Variants in NUMB observed in about 807,000 individuals in gnomAD.
NUMB encodes the protein NUMB endocytic adaptor protein.
NUMB carries 29 observed loss-of-function variants against 59.7 expected under a neutral mutation model. That is an observed-to-expected ratio of 0.49 (90% CI 0.36 to 0.66). The LOEUF (loss-of-function observed/expected upper bound fraction) is 0.66, where lower values mean the gene tolerates loss of function less well. NUMB is among the 30% of genes least tolerant of loss of function. NUMB has a pLI of 0.00. For synonymous variants in NUMB, 288 were observed against 288.2 expected (o/e 1.00, Z 0.01); for missense variants, 723 against 822.0 (o/e 0.88, Z 1.47).
chr14:73,275,350 G>C lies in NUMB; in HGVS notation c.*1228C>G, dbSNP rs568366657. The C allele has an allele frequency of 1.3e-5, 2 of 152,452 alleles. No homozygotes were observed. Among genetic ancestry groups the C allele is most frequent in the Non-Finnish European group, 2.9e-5 (2 of 68,014 alleles). 9.4% of individuals were successfully genotyped at this position (152,452 alleles called of 1,614,324 possible). A position where few individuals can be genotyped will look rare whatever the true frequency, so the allele number is the denominator to read the frequency against. ...ATGAGCTCTCTTATTGTTATCCGAG[G>C]TCAAGAGGCTGCAACTGTCAAGGGG... On this transcript the variant is annotated 3_prime_UTR_variant, in exon 13 of 13. Coordinates refer to ENST00000555238, the MANE Select transcript of NUMB (RefSeq NM_001005743.2).
intron 5 of NUMB, among the ~76,000 whole-genome samples, chr14:73,319,241 T>G (rs1229168994): frequency 6.6e-6 from 1 of 152,164 alleles, no homozygotes; most frequent in African/African-American, 2.4e-5. Context: ...CCAGCCTGGG[T>G]GACAGAGCGA....
Position 73,287,240 on chromosome 14 carries a change from T to A in NUMB, c.525A>T (p.Glu175Asp). 6.2e-7 allele frequency: 1 copy of A among 1,613,662 alleles called. No homozygotes were observed. The highest frequency in any genetic ancestry group is 1.1e-5 in the South Asian group (1 of 91,064). ...CLERKQKREKECGVTATFDAS... is the reference protein window; with the variant it reads ...CLERKQKREKDCGVTATFDAS... The stretch of plus-strand genomic sequence containing the variant: ...CATCAAAAGTAGCAGTCACTCCACA[T>A]TCCTTCTCCCGCTTCTGCTTGCGCT... Residue 175 changes from glutamate to aspartate, a missense_variant, in exon 9 of 13, where the codon GAA becomes GAT. Coordinates refer to ENST00000555238, the MANE Select transcript of NUMB (RefSeq NM_001005743.2).
intron 1 of NUMB, among the ~76,000 whole-genome samples, chr14:73,444,323 C>T (rs1021508286): frequency 1.9e-4 from 28 of 148,366 alleles, no homozygotes; most frequent in African/African-American, 6.0e-4. Flanking sequence ...TGCTTGAACC[C>T]GGGAGGCGGA....
chr14:73,284,403 T>C, intron 9 of NUMB, 29 bp from the exon 10 acceptor site: 1 of 1,574,750 alleles, frequency 6.4e-7, no homozygotes, highest in East Asian at 2.2e-5. Context: ...ATGAAGACCT[T>C]AGCAATGTCT....
At chr14:73,423,966 CAAAAAAAAAA>C (rs34582645) in intron 1 of NUMB, among the ~76,000 whole-genome samples, 1,255 of 74,380 alleles carry the variant, frequency 0.017, 30 homozygotes, top group African/African-American at 0.057. Context: ...ACCCTGTCTC[CAAAAAAAAAA>C]AAAAAAAAAA....
chr14:73,290,918 A>G (rs1343641338), intron 8 of NUMB, among the ~76,000 whole-genome samples: 1 of 152,212 alleles, frequency 6.6e-6, no homozygotes, highest in Non-Finnish European at 1.5e-5. Context: ...AACTTATAGT[A>G]AAATCATTGT....
chr14:73,285,940 C>A (rs1220282874), intron 9 of NUMB, among the ~76,000 whole-genome samples: 4 of 148,518 alleles, frequency 2.7e-5, no homozygotes, highest in Admixed American at 6.7e-5. Flanking sequence ...AAAAAAAAAA[C>A]ACCGAAATCA....
intron 1 of NUMB, among the ~76,000 whole-genome samples, chr14:73,452,850 T>C (rs979631300): frequency 6.6e-6 from 1 of 152,182 alleles, no homozygotes. Flanking sequence ...CTGACATGCT[T>C]TCTTGAGGGG....
chr14:73,328,275 A>AAG (rs908901130), intron 4 of NUMB, among the ~76,000 whole-genome samples: 2 of 48,632 alleles, frequency 4.1e-5, no homozygotes, highest in Non-Finnish European at 9.7e-5. Context: ...ACTCCATCTC[A>AAG]AAAAAAAAAA....
rs570632695 is a variant in NUMB, at chr14:73,365,606, A to G, written c.-16+1291T>C. On this transcript the variant is annotated intron_variant, in intron 3 of 12. Transcript: ENST00000555238. Reference sequence around the variant, plus strand: ...GGCAACATAGCAAGACTCTGTCTCCATAAGAAAAAAATTAAAAATTAAAAA... The same window carrying G: ...GGCAACATAGCAAGACTCTGTCTCCGTAAGAAAAAAATTAAAAATTAAAAA... Among the ~76,000 whole-genome samples the G allele has an allele frequency of 3.4e-4, 45 of 133,308 alleles. 1 individual carries two copies. In the East Asian group the frequency reaches 0.016, roughly 47 times the overall value. 87.5% of individuals were successfully genotyped at this position (133,308 alleles called of 152,430 possible).
At chr14:73,398,390 CACAGAG>C (rs201125435) in intron 2 of NUMB, among the ~76,000 whole-genome samples, 43 of 118,166 alleles carry the variant, frequency 3.6e-4, no homozygotes, top group South Asian at 1.8e-3. Flanking sequence ...GAGAGACACA[CACAGAG>C]AGAGAGAGAG....
rs1413990065 is a variant in NUMB, at chr14:73,276,629, A to AGGGGAGGGATTAGTAC, written c.1889_1904dup (p.Thr636TyrfsTer2). ...GTAAGTCACTGGAGAAAGGGTTGGT[A>AGGGGAGGGATTAGTAC]GGGGAGGGATTAGTACGCTGCTTGG... On this transcript the variant is annotated stop_gained and frameshift_variant, in exon 13 of 13. Transcript: ENST00000555238. LOFTEE classifies it high-confidence loss of function. The AGGGGAGGGATTAGTAC allele has an allele frequency of 6.2e-7, 1 of 1,614,060 alleles. No individual in the cohort carries two copies. Among genetic ancestry groups the AGGGGAGGGATTAGTAC allele is most frequent in the Non-Finnish European group, 8.5e-7 (1 of 1,180,004 alleles).
At chr14:73,348,404 C>T (rs1015764200) in intron 4 of NUMB, among the ~76,000 whole-genome samples, 3 of 152,202 alleles carry the variant, frequency 2.0e-5, no homozygotes, top group African/African-American at 4.8e-5. Context: ...AGCAGAGGTC[C>T]CCAACACCAG....
intron 4 of NUMB, among the ~76,000 whole-genome samples, chr14:73,343,990 G>C (rs1473942672): frequency 6.6e-6 from 1 of 151,960 alleles, no homozygotes; most frequent in Non-Finnish European, 1.5e-5. Context: ...TAGAAGATAA[G>C]GTACCTCTTT....
At position 73,275,784 on chromosome 14, in the gene NUMB, ATGAC is replaced by A. The variant is rs1369479553; in HGVS notation, c.*790_*793del. ...TGTTGCAATGTGCTACTTACAATGA[ATGAC>A]TGACAGAAAACAAGCTAGGGATCCT... On this transcript the variant is annotated 3_prime_UTR_variant, in exon 13 of 13. Coordinates refer to ENST00000555238, the MANE Select transcript of NUMB (RefSeq NM_001005743.2). 1.3e-5 allele frequency: 2 copies of A among 152,598 alleles called. No homozygotes were observed. The highest frequency in any genetic ancestry group is 4.8e-5 in the African/African-American group (2 of 41,438). The allele number at this position is 152,598 out of a possible 1,614,324, so 9.5% of individuals were successfully genotyped here.
At chr14:73,306,412 G>A (rs1890429790) in intron 6 of NUMB, among the ~76,000 whole-genome samples, 1 of 152,148 alleles carries the variant, frequency 6.6e-6, no homozygotes, top group African/African-American at 2.4e-5. Flanking sequence ...AATTCAACCT[G>A]TCCAAAACCA....
intron 1 of NUMB, among the ~76,000 whole-genome samples, chr14:73,454,276 T>C (rs1020951538): frequency 7.2e-5 from 11 of 152,128 alleles, no homozygotes; most frequent in Non-Finnish European, 2.9e-5. Context: ...AGATCTATTC[T>C]CTAGAAATCA....
intron 2 of NUMB, among the ~76,000 whole-genome samples, chr14:73,369,371 T>C (rs1039003628): frequency 2.6e-5 from 4 of 152,174 alleles, no homozygotes; most frequent in Non-Finnish European, 5.9e-5. Context: ...AATTTGACAA[T>C]AATAGCCATA....
At chr14:73,445,068 T>C (rs1248157083) in intron 1 of NUMB, among the ~76,000 whole-genome samples, 1 of 152,024 alleles carries the variant, frequency 6.6e-6, no homozygotes, top group Non-Finnish European at 1.5e-5. Context: ...ATTTATCTAA[T>C]AGGTTCCCTA....
Sources: gnomAD v4.1 joint callset for allele counts (sites outside exome capture counted in the v4.1 genomes callset) on GRCh38, gnomAD v4.1.1 for gene constraint, MANE v1.5 for transcripts, NCBI Gene and HGNC (gene_info 2026-07-23, HGNC 2026-07-21) for gene names.